TMEM132D: variants seen among roughly 807,000 people sequenced by gnomAD.
The protein encoded by TMEM132D is mature OL transmembrane protein.
A neutral mutation model predicts 62.3 loss-of-function variants in TMEM132D; 21 were observed. The observed-to-expected ratio is 0.34, with a 90% CI of 0.24 to 0.49. The LOEUF is 0.49. TMEM132D is among the 20% of genes least tolerant of loss of function. The pLI is 0.99. For synonymous variants in TMEM132D, 621 were observed against 575.6 expected (o/e 1.08, Z -1.13); for missense variants, 1,346 against 1,402.8 (o/e 0.96, Z 0.65).
At chr12:129,738,985 TCA>T (rs1869514363) in intron 1 of TMEM132D, among the ~76,000 whole-genome samples, 1 of 152,092 alleles carries the variant, frequency 6.6e-6, no homozygotes, top group Admixed American at 6.5e-5. Flanking sequence ...ACAGAAACTC[TCA>T]CAGTCTTACC....
intron 1 of TMEM132D, among the ~76,000 whole-genome samples, chr12:129,817,341 A>G (rs1423058785): frequency 6.6e-6 from 1 of 152,214 alleles, no homozygotes; most frequent in Non-Finnish European, 1.5e-5. Context: ...GAGTTCTGCT[A>G]GTCAGCCTTC....
chr12:129,400,952 C>A (rs1196756795), intron 3 of TMEM132D, among the ~76,000 whole-genome samples: 1 of 152,104 alleles, frequency 6.6e-6, no homozygotes, highest in Admixed American at 6.5e-5. Context: ...AAAAGTTTAG[C>A]ACACACGATT....
At chr12:129,754,945 G>A (rs1025906357) in intron 1 of TMEM132D, among the ~76,000 whole-genome samples, 3 of 152,034 alleles carry the variant, frequency 2.0e-5, no homozygotes, top group African/African-American at 7.2e-5. Flanking sequence ...ACTACCACAC[G>A]GTGACATCTA....
At chr12:129,463,699 C>T (rs1873769274) in intron 3 of TMEM132D, among the ~76,000 whole-genome samples, 1 of 151,786 alleles carries the variant, frequency 6.6e-6, no homozygotes, top group Non-Finnish European at 1.5e-5. Flanking sequence ...TGTTCAATTC[C>T]CACCTATGAG....
intron 5 of TMEM132D, among the ~76,000 whole-genome samples, chr12:129,202,207 T>C (rs1878723926): frequency 6.6e-6 from 1 of 152,214 alleles, no homozygotes; most frequent in Admixed American, 6.5e-5. Flanking sequence ...ATAAAAAGAC[T>C]GGGGCCTTTA....
At chr12:129,452,160 A>G (rs892369719) in intron 3 of TMEM132D, among the ~76,000 whole-genome samples, 26 of 152,218 alleles carry the variant, frequency 1.7e-4, no homozygotes, top group African/African-American at 6.3e-4. Context: ...CATCTGGCCC[A>G]CTTTACAGAA....
At chr12:129,737,744 T>C (rs1593141732) in intron 1 of TMEM132D, among the ~76,000 whole-genome samples, 4 of 152,352 alleles carry the variant, frequency 2.6e-5, no homozygotes, top group African/African-American at 7.2e-5. Flanking sequence ...AAACAAAATA[T>C]AGACGTTTTA....
intron 3 of TMEM132D, among the ~76,000 whole-genome samples, chr12:129,429,458 G>GC (rs929565665): frequency 8.5e-5 from 13 of 152,098 alleles, no homozygotes; most frequent in South Asian, 4.1e-4. Context: ...CAAAGAAGAG[G>GC]CCCCCCCAGG....
chr12:129,858,825 G>A (rs184777962), intron 1 of TMEM132D, among the ~76,000 whole-genome samples: 4 of 97,380 alleles, frequency 4.1e-5, no homozygotes, highest in South Asian at 3.7e-4. Flanking sequence ...CCCTTGTAAC[G>A]GAGTCCGGGG....
intron 4 of TMEM132D, among the ~76,000 whole-genome samples, chr12:129,254,748 C>G (rs1370953938): frequency 6.6e-6 from 1 of 152,164 alleles, no homozygotes; most frequent in Non-Finnish European, 1.5e-5. Flanking sequence ...CCTCCTTTCT[C>G]ATTTCCCCCC....
intron 1 of TMEM132D, among the ~76,000 whole-genome samples, chr12:129,784,210 A>C (rs1026811266): frequency 1.3e-5 from 2 of 152,196 alleles, no homozygotes; most frequent in African/African-American, 4.8e-5. Context: ...GCTGGCATTT[A>C]GGGCTCACTC....
At chr12:129,502,629 G>C (rs1875188052) in intron 3 of TMEM132D, among the ~76,000 whole-genome samples, 1 of 151,982 alleles carries the variant, frequency 6.6e-6, no homozygotes, top group African/African-American at 2.4e-5. Context: ...AGAGAGCAAT[G>C]CTATATGATA....
At chr12:129,590,541 C>T (rs915989613) in intron 2 of TMEM132D, among the ~76,000 whole-genome samples, 7 of 152,182 alleles carry the variant, frequency 4.6e-5, no homozygotes, top group East Asian at 3.8e-4. Flanking sequence ...ATGAATAGGA[C>T]GCAGAATTGT....
At position 129,277,417 on chromosome 12, in the gene TMEM132D, C is replaced by T. The variant is rs1425102457; in HGVS notation, c.1299+60217G>A. Among the ~76,000 whole-genome samples the T allele has an allele frequency of 1.3e-5, 2 of 152,098 alleles. No individual in the cohort carries two copies. The highest frequency in any genetic ancestry group is 2.4e-5 in the African/African-American group (1 of 41,432). On this transcript the variant is annotated intron_variant, in intron 4 of 8. Transcript: ENST00000422113. This position sits in a 1 kb window ranked among gnomAD's most constrained non-coding sequence, Gnocchi z 4.2. ...CAAAGAATTTCAATATTAAATTTGT[C>T]GAGGAAAGAAAAGGATACCATTTCA...
intron 1 of TMEM132D, among the ~76,000 whole-genome samples, chr12:129,877,172 T>TTAATAATTATA (rs777331883): frequency 1.1e-4 from 1 of 9,440 alleles, no homozygotes; most frequent in East Asian, 0.045. Flanking sequence ...GAATATTATA[T>TTAATAATTATA]TTATAATTAT....
intron 3 of TMEM132D, among the ~76,000 whole-genome samples, chr12:129,523,116 A>T (rs1016353676): frequency 1.3e-5 from 2 of 151,540 alleles, no homozygotes; most frequent in Admixed American, 6.6e-5. Context: ...GCACGTGCAC[A>T]CACACACACA....
chr12:129,373,787 G>A (rs938986111), intron 3 of TMEM132D, among the ~76,000 whole-genome samples: 2 of 152,138 alleles, frequency 1.3e-5, no homozygotes, highest in African/African-American at 4.8e-5. Flanking sequence ...AAAAGACCAC[G>A]TGCATCCTTA....
At chr12:129,115,174 C>T (rs1041811284) in intron 5 of TMEM132D, among the ~76,000 whole-genome samples, 8 of 152,224 alleles carry the variant, frequency 5.3e-5, no homozygotes, top group South Asian at 2.1e-4. Flanking sequence ...CATCTCATGT[C>T]GCTATCCAGA....
At chr12:129,508,346 A>T (rs978281946) in intron 3 of TMEM132D, among the ~76,000 whole-genome samples, 1 of 152,354 alleles carries the variant, frequency 6.6e-6, no homozygotes, top group South Asian at 2.1e-4. Context: ...ATGTGGTTCA[A>T]CAGCAACAGT....
Sources: gnomAD v4.1 joint callset for allele counts (sites outside exome capture counted in the v4.1 genomes callset) on GRCh38, gnomAD v4.1.1 for gene constraint, Gnocchi (gnomAD v3.1) non-coding constraint, MANE v1.5 for transcripts, NCBI Gene and HGNC (gene_info 2026-07-23, HGNC 2026-07-21) for gene names.